Variants in R3HDM1 observed in about 807,000 individuals in gnomAD.
The protein encoded by R3HDM1 is R3H domain-containing protein 1.
R3HDM1 carries 46 observed loss-of-function variants against 141.1 expected under a neutral mutation model. The observed-to-expected ratio is 0.33, with a 90% CI of 0.26 to 0.42. The LOEUF is 0.42. Among genes scored for constraint, R3HDM1 ranks in the 10% least tolerant of loss-of-function variants. R3HDM1 has a pLI of 1.00. For missense variants in R3HDM1, 1,184 were observed against 1,368.3 expected (o/e 0.87, Z 2.12); for synonymous variants, 435 against 472.9 (o/e 0.92, Z 1.04).
chr2:135,654,427 TTTGTTGTTGTTGTTGTTG>T (rs35477275), intron 18 of R3HDM1, among the ~76,000 whole-genome samples: 159 of 149,216 alleles, frequency 1.1e-3, no homozygotes, highest in African/African-American at 3.4e-3. Context: ...AATGTTTTCT[TTTGTTGTTGTTGTTGTTG>T]TTGTTGTTGT....
At chr2:135,660,141 A>C (rs2105304204) in intron 18 of R3HDM1, among the ~76,000 whole-genome samples, 1 of 152,372 alleles carries the variant, frequency 6.6e-6, no homozygotes, top group East Asian at 1.9e-4. Context: ...TCAATAAAGA[A>C]AGATGTCTCA....
At chr2:135,576,640 G>A (rs1056578911) in intron 1 of R3HDM1, among the ~76,000 whole-genome samples, 1 of 152,146 alleles carries the variant, frequency 6.6e-6, no homozygotes, top group Non-Finnish European at 1.5e-5. Context: ...GCAGAGTGTG[G>A]TATGTCCATA....
rs2105248229 is a variant in R3HDM1 at position 135,641,604 on chromosome 2, G to A, written c.1288G>A (p.Gly430Ser). The change falls in exon 15 of 27, where the codon GGT becomes AGT. Residue 430 changes from glycine to serine, a missense_variant. Gly to Ser is a moderately conservative substitution (Grantham distance 56). Transcript: ENST00000683871. ...TTCTCACATCCAGCAGCCTCTTCCA[G>A]GTACAGCTCTCAGCCAGTCTTCTCA... Reference protein sequence around the residue: ...SLSHIQQPLPGTALSQSSHGA... With the variant: ...SLSHIQQPLPSTALSQSSHGA... The A allele has an allele frequency of 6.2e-7, 1 of 1,614,116 alleles. No individual in the cohort carries two copies. Among genetic ancestry groups the A allele is most frequent in the Non-Finnish European group, 8.5e-7 (1 of 1,180,016 alleles).
At chr2:135,539,305 A>G (rs1446617297) in intron 1 of R3HDM1, among the ~76,000 whole-genome samples, 1 of 152,208 alleles carries the variant, frequency 6.6e-6, no homozygotes, top group Non-Finnish European at 1.5e-5. Flanking sequence ...TGTATGTGCT[A>G]TACTTTCATA....
At chr2:135,602,022 A>G (rs1163469291) in intron 1 of R3HDM1, among the ~76,000 whole-genome samples, 1 of 150,156 alleles carries the variant, frequency 6.7e-6, no homozygotes, top group Non-Finnish European at 1.5e-5. Context: ...AAAATGTTAA[A>G]TGGCTTGTTA....
intron 5 of R3HDM1, chr2:135,619,821 C>T (rs2061379894): frequency 3.2e-6 from 2 of 618,040 alleles, no homozygotes; most frequent in Admixed American, 1.3e-4. Context: ...AGAGAGATGT[C>T]ACTTGTATCT....
intron 21 of R3HDM1, among the ~76,000 whole-genome samples, chr2:135,706,687 G>A (rs564873306): frequency 6.8e-4 from 103 of 152,244 alleles, no homozygotes; most frequent in African/African-American, 2.4e-3. Flanking sequence ...AGAGCACAGG[G>A]TTGGGGGTAA....
chr2:135,599,276 A>G (rs577846159), intron 1 of R3HDM1, among the ~76,000 whole-genome samples: 2 of 152,258 alleles, frequency 1.3e-5, no homozygotes, highest in South Asian at 2.1e-4. Context: ...GCATGTTGAC[A>G]ATTAGAATTT....
rs567794283 is a variant in R3HDM1 at position 135,539,186 on chromosome 2, A to T, written c.-250+7553A>T. Among the ~76,000 whole-genome samples the T allele has an allele frequency of 2.8e-4, 42 of 151,932 alleles. No homozygotes were observed. In the South Asian group the frequency reaches 8.3e-3, roughly 30 times the overall value. Reference sequence around the variant, plus strand: ...ACAGTTAACTTCTGATTTTTTTTTTAAATAAGTAGAAGGAATACACTCTAA... The same window carrying T: ...ACAGTTAACTTCTGATTTTTTTTTTTAATAAGTAGAAGGAATACACTCTAA... On this transcript the variant is annotated intron_variant, in intron 1 of 26. Coordinates refer to ENST00000683871, the MANE Select transcript of R3HDM1 (RefSeq NM_001378107.1).
intron 17 of R3HDM1, chr2:135,650,459 C>T: frequency 1.0e-6 from 1 of 980,764 alleles, no homozygotes; most frequent in Non-Finnish European, 1.2e-6. Flanking sequence ...AAGAAGATTT[C>T]TGGATATTTA....
chr2:135,694,039 A>G (rs1464223897), intron 21 of R3HDM1, among the ~76,000 whole-genome samples: 4 of 152,186 alleles, frequency 2.6e-5, no homozygotes, highest in Non-Finnish European at 5.9e-5. Flanking sequence ...ACATGAGACA[A>G]AAAGGAATGA....
chr2:135,707,050 G>C (rs1014712087), intron 21 of R3HDM1, among the ~76,000 whole-genome samples: 2 of 152,128 alleles, frequency 1.3e-5, no homozygotes, highest in Non-Finnish European at 2.9e-5. Flanking sequence ...CTGGCTGGGC[G>C]GGGGGCTGGC....
intron 14 of R3HDM1, among the ~76,000 whole-genome samples, chr2:135,639,546 C>G (rs888273870): frequency 2.6e-5 from 4 of 151,926 alleles, no homozygotes; most frequent in African/African-American, 9.7e-5. Flanking sequence ...ATGATAAAGT[C>G]CTTCATTTTC....
At chr2:135,630,310 A>AG (rs1433881299) in intron 7 of R3HDM1, among the ~76,000 whole-genome samples, 1 of 119,502 alleles carries the variant, frequency 8.4e-6, no homozygotes, top group African/African-American at 4.0e-5. Context: ...AAAAAAAAAC[A>AG]AAAAAAAAAC....
At chr2:135,655,193 G>T (rs1023825465) in intron 18 of R3HDM1, among the ~76,000 whole-genome samples, 3 of 151,990 alleles carry the variant, frequency 2.0e-5, no homozygotes, top group Non-Finnish European at 4.4e-5. Flanking sequence ...GTTAATTTTT[G>T]AATATTGGCG....
At chr2:135,534,739 A>C (rs548728500) in intron 1 of R3HDM1, among the ~76,000 whole-genome samples, 86 of 152,380 alleles carry the variant, frequency 5.6e-4, no homozygotes, top group African/African-American at 2.0e-3. Flanking sequence ...TGACAGTAGC[A>C]ATAGAAAATT....
chr2:135,640,772 C>T (rs2063712836), intron 14 of R3HDM1, among the ~76,000 whole-genome samples: 1 of 152,076 alleles, frequency 6.6e-6, no homozygotes, highest in African/African-American at 2.4e-5. Flanking sequence ...TTCTTTGTCT[C>T]GGCCACCTTT....
chr2:135,545,939 C>T (rs960797959), intron 1 of R3HDM1, among the ~76,000 whole-genome samples: 1 of 152,208 alleles, frequency 6.6e-6, no homozygotes, highest in Admixed American at 6.5e-5. Flanking sequence ...TGGTGTGGGA[C>T]GCATCCAGGG....
chr2:135,677,456 C>T (rs1160052909), intron 20 of R3HDM1, among the ~76,000 whole-genome samples: 4 of 152,154 alleles, frequency 2.6e-5, no homozygotes, highest in Admixed American at 2.6e-4. Context: ...GTTCTACTAT[C>T]TAATCCAATA....
Sources: gnomAD v4.1 joint callset for allele counts (sites outside exome capture counted in the v4.1 genomes callset) on GRCh38, gnomAD v4.1.1 for gene constraint, MANE v1.5 for transcripts, NCBI Gene and HGNC (gene_info 2026-07-23, HGNC 2026-07-21) for gene names.